The following PCDH11X variants were observed in gnomAD, a reference collection of about 807,000 sequenced individuals.
PCDH11X encodes protocadherin-11 X-linked.
In PCDH11X, 18 loss-of-function variants were observed where a neutral mutation model predicts 53.3. The observed-to-expected ratio is 0.34, with a 90% CI of 0.23 to 0.50. The LOEUF (loss-of-function observed/expected upper bound fraction) is 0.50. Ranked by LOEUF, PCDH11X falls within the 20% of genes least tolerant of loss-of-function variation. PCDH11X has a pLI of 0.98. For synonymous variants in PCDH11X, 279 were observed against 393.3 expected (o/e 0.71, Z 3.44); for missense variants, 570 against 1,032.4 (o/e 0.55, Z 6.14).
In PCDH11X at chrX:92,256,036, G is replaced by A. The variant is rs914834488; in HGVS notation, c.3115-7078G>A. Among the ~76,000 whole-genome samples, 12 of 112,152 alleles carry A rather than the reference G, an allele frequency of 1.1e-4. No individual in the cohort carries two copies. In the East Asian group the frequency reaches 1.7e-3, roughly 16 times the overall value. On this transcript the variant is annotated intron_variant, in intron 7 of 10. Transcript: ENST00000682573. ...TGGCGGGCGCCCCTCCCCCAGCCTC[G>A]CTGCCGCCTTGCAGTTTGATCTCAG...
At chrX:91,912,718 G>A (rs1303326286) in intron 6 of PCDH11X, among the ~76,000 whole-genome samples, 1 of 108,941 alleles carries the variant, frequency 9.2e-6, no homozygotes, top group Non-Finnish European at 1.9e-5. Context: ...GCTCCCACAT[G>A]GACAGACAGA....
intron 8 of PCDH11X, among the ~76,000 whole-genome samples, chrX:92,382,683 T>C (rs2070905535): frequency 8.9e-6 from 1 of 111,766 alleles, no homozygotes; most frequent in Admixed American, 9.6e-5. Context: ...GTGTGGATTT[T>C]AGGGAGAGGT....
At chrX:92,162,262 G>T in intron 6 of PCDH11X, among the ~76,000 whole-genome samples, 1 of 106,342 alleles carries the variant, frequency 9.4e-6, no homozygotes, top group Non-Finnish European at 1.9e-5. Flanking sequence ...TGCGATCTCG[G>T]CTTACTGCAA....
In PCDH11X at chrX:91,796,185, A is replaced by G. The variant is rs368038913; in HGVS notation, c.-378-13281A>G. On this transcript the variant is annotated intron_variant, in intron 1 of 10. Transcript: ENST00000682573. The stretch of plus-strand genomic sequence containing the variant: ...TTGTTTGAATGAAAATTTATCTTAC[A>G]TAGCTATCTTTTTTTCCAAAATGTA... Among the ~76,000 whole-genome samples, 23 of 111,948 alleles carry G rather than the reference A, an allele frequency of 2.1e-4. No homozygotes were observed. The East Asian group carries it at 3.4e-3, about 16-fold the overall frequency.
rs867114251 is a variant in PCDH11X, at chrX:92,216,833, A to G, written c.3114+15378A>G. On this transcript the variant is annotated intron_variant, in intron 7 of 10. Transcript: ENST00000682573. ...TCGGGTTACCCACAAAGGGAAGCCC[A>G]TCAGACTAACAGCGGATCTCTCGGC... Among the ~76,000 whole-genome samples, 122 of 104,292 alleles carry G rather than the reference A, an allele frequency of 1.2e-3. 2 individuals carry two copies. Among genetic ancestry groups the G allele is most frequent in the African/African-American group, 4.1e-3 (116 of 27,995 alleles). 90.6% of individuals were successfully genotyped at this position (104,292 alleles called of 115,157 possible).
chrX:92,512,910 T>G (rs1603352666), intron 10 of PCDH11X, among the ~76,000 whole-genome samples: 1 of 110,934 alleles, frequency 9.0e-6, no homozygotes, highest in Non-Finnish European at 1.9e-5. Flanking sequence ...GAGATAATAT[T>G]AGTACCTACC....
At chrX:91,809,926 G>A (rs1293040300) in intron 2 of PCDH11X, among the ~76,000 whole-genome samples, 4 of 110,687 alleles carry the variant, frequency 3.6e-5, no homozygotes, top group Admixed American at 2.9e-4. Context: ...ATGATTCATA[G>A]CCATTTATAA....
intron 6 of PCDH11X, among the ~76,000 whole-genome samples, chrX:91,969,158 C>T (rs1333030228): frequency 9.2e-6 from 1 of 109,146 alleles, no homozygotes; most frequent in Non-Finnish European, 1.9e-5. Context: ...TCATTATTAC[C>T]CAAAGGAATG....
chrX:91,989,172 T>C (rs2062275698), intron 6 of PCDH11X, among the ~76,000 whole-genome samples: 1 of 110,521 alleles, frequency 9.0e-6, no homozygotes, highest in Admixed American at 9.6e-5. Flanking sequence ...AAGTCCATCC[T>C]TCCTGATTCA....
chrX:92,298,197 TGA>T (rs1007330615), intron 8 of PCDH11X, among the ~76,000 whole-genome samples: 3 of 111,227 alleles, frequency 2.7e-5, no homozygotes, highest in African/African-American at 9.8e-5. Context: ...ATAGCAGTGG[TGA>T]GAGAGAGAGC....
At chrX:92,488,619 A>T (rs996185502) in intron 10 of PCDH11X, among the ~76,000 whole-genome samples, 1 of 110,558 alleles carries the variant, frequency 9.0e-6, no homozygotes, top group African/African-American at 3.3e-5. Context: ...TTATACCTCT[A>T]TCTATTAGAC....
chrX:92,606,860 A>G (rs1401974046), intron 10 of PCDH11X, among the ~76,000 whole-genome samples: 3 of 111,259 alleles, frequency 2.7e-5, no homozygotes, highest in Non-Finnish European at 3.8e-5. Context: ...TGGGTAAAAA[A>G]TACAAATAGA....
chrX:92,538,139 T>C (rs1402627971), intron 10 of PCDH11X, among the ~76,000 whole-genome samples: 1 of 108,943 alleles, frequency 9.2e-6, no homozygotes, highest in African/African-American at 3.3e-5. Flanking sequence ...TCTCTTCTTA[T>C]AGTGTTTGTC....
chrX:91,825,057 G>A (rs1287744548), intron 4 of PCDH11X, among the ~76,000 whole-genome samples: 1 of 111,172 alleles, frequency 9.0e-6, no homozygotes, highest in African/African-American at 3.3e-5. Flanking sequence ...TGCATACTGG[G>A]AGAACCACTG....
intron 6 of PCDH11X, among the ~76,000 whole-genome samples, chrX:92,012,847 T>C (rs1413278161): frequency 8.9e-6 from 1 of 111,858 alleles, no homozygotes; most frequent in African/African-American, 3.3e-5. Flanking sequence ...AAAAAAGTTA[T>C]GTTTATGCTA....
intron 8 of PCDH11X, among the ~76,000 whole-genome samples, chrX:92,278,806 GTTTTTTT>G (rs35000823): frequency 4.2e-5 from 2 of 47,398 alleles, no homozygotes; most frequent in East Asian, 1.2e-3. Context: ...TCTCTTTTCA[GTTTTTTT>G]TTTTTTTTTT....
intron 7 of PCDH11X, among the ~76,000 whole-genome samples, chrX:92,219,346 A>C (rs1226670538): frequency 9.0e-6 from 1 of 111,338 alleles, no homozygotes; most frequent in Non-Finnish European, 1.9e-5. Flanking sequence ...AACTTCAGCA[A>C]AGTCTCAGGA....
chrX:91,803,922 A>G (rs1050072852), intron 1 of PCDH11X, among the ~76,000 whole-genome samples: 46 of 110,958 alleles, frequency 4.1e-4, no homozygotes, highest in African/African-American at 1.5e-3. Context: ...TGTGTATATG[A>G]TCTTGGCAGC....
chrX:92,575,880 C>T (rs1315504287), intron 10 of PCDH11X, among the ~76,000 whole-genome samples: 2 of 78,676 alleles, frequency 2.5e-5, no homozygotes, highest in East Asian at 4.6e-4. Flanking sequence ...CTTCCTAGAA[C>T]GGAATTTTGT....
Sources: gnomAD v4.1 joint callset for allele counts (sites outside exome capture counted in the v4.1 genomes callset) on GRCh38, gnomAD v4.1.1 for gene constraint, MANE v1.5 for transcripts, NCBI Gene and HGNC (gene_info 2026-07-23, HGNC 2026-07-21) for gene names.